HS6ST2: variants seen among roughly 807,000 people sequenced by gnomAD.
The protein encoded by HS6ST2 is heparan sulfate 6-O-sulfotransferase 2.
HS6ST2 carries 17 observed loss-of-function variants against 33.0 expected under a neutral mutation model. The ratio of observed to expected loss-of-function variants is 0.52; its 90% CI spans 0.35 to 0.77. HS6ST2 has a LOEUF of 0.77. Ranked by LOEUF, HS6ST2 falls within the 30% of genes least tolerant of loss-of-function variation. The pLI, the probability that HS6ST2 is intolerant of heterozygous loss-of-function variation, is 0.01. For synonymous variants in HS6ST2, 248 were observed against 237.1 expected (o/e 1.05, Z -0.42); for missense variants, 519 against 551.7 (o/e 0.94, Z 0.59).
At chrX:132,769,746 G>A (rs765594839) in intron 2 of HS6ST2, among the ~76,000 whole-genome samples, 10 of 112,203 alleles carry the variant, frequency 8.9e-5, no homozygotes, top group African/African-American at 3.2e-4. Context: ...TGAGGTAGGC[G>A]CAAAAGCGGA....
intron 3 of HS6ST2, among the ~76,000 whole-genome samples, chrX:132,692,805 A>G (rs1186089593): frequency 1.8e-5 from 2 of 112,020 alleles, no homozygotes; most frequent in Non-Finnish European, 3.8e-5. Flanking sequence ...GCACTGATTC[A>G]TAGGCTCTGT....
chrX:132,932,805 T>G (rs1303883721), intron 2 of HS6ST2, among the ~76,000 whole-genome samples: 1 of 106,563 alleles, frequency 9.4e-6, no homozygotes, highest in East Asian at 2.9e-4. Context: ...TAAAAGGATA[T>G]TATGTCTATA....
chrX:132,806,199 G>A (rs2065280650), intron 2 of HS6ST2, among the ~76,000 whole-genome samples: 1 of 110,202 alleles, frequency 9.1e-6, no homozygotes, highest in African/African-American at 3.3e-5. Flanking sequence ...ACTGATAGAG[G>A]AAAAGAAAAC....
At chrX:132,951,591 C>CA (rs1482874528) in intron 2 of HS6ST2, among the ~76,000 whole-genome samples, 3 of 111,719 alleles carry the variant, frequency 2.7e-5, no homozygotes, top group Non-Finnish European at 5.6e-5. Flanking sequence ...AGGGCCTGTC[C>CA]AAAATCTAAA....
At chrX:132,922,446 C>T (rs1054401530) in intron 2 of HS6ST2, among the ~76,000 whole-genome samples, 14 of 112,255 alleles carry the variant, frequency 1.2e-4, no homozygotes, top group African/African-American at 3.2e-4. Flanking sequence ...TACCAACAAG[C>T]GAGCAAATGC....
intron 2 of HS6ST2, among the ~76,000 whole-genome samples, chrX:132,722,048 C>A (rs1473584329): frequency 8.3e-5 from 9 of 108,682 alleles, no homozygotes; most frequent in African/African-American, 3.0e-4. Flanking sequence ...ATTAGCCGGG[C>A]GTGTTGGCGG....
chrX:132,874,735 C>A (rs2066094631), intron 2 of HS6ST2, among the ~76,000 whole-genome samples: 1 of 111,517 alleles, frequency 9.0e-6, no homozygotes, highest in South Asian at 3.8e-4. Flanking sequence ...TCCTTGGGAC[C>A]CCCACATGTG....
chrX:132,743,515 T>C (rs1289863391), intron 2 of HS6ST2, among the ~76,000 whole-genome samples: 4 of 112,244 alleles, frequency 3.6e-5, no homozygotes, highest in Non-Finnish European at 5.6e-5. Context: ...AACTATCATA[T>C]TGATGGCGAT....
intron 2 of HS6ST2, among the ~76,000 whole-genome samples, chrX:132,792,207 G>C (rs1487645418): frequency 8.9e-6 from 1 of 112,123 alleles, no homozygotes; most frequent in African/African-American, 3.2e-5. Context: ...TACCCAAGTG[G>C]GCACAAGGTG....
chrX:132,729,447 A>G (rs768246456), intron 2 of HS6ST2, among the ~76,000 whole-genome samples: 2 of 111,523 alleles, frequency 1.8e-5, no homozygotes, highest in Admixed American at 1.9e-4. Context: ...AGTGTGGTAT[A>G]AAGACACTGG....
intron 2 of HS6ST2, among the ~76,000 whole-genome samples, chrX:132,942,544 C>T (rs2066897867): frequency 8.9e-6 from 1 of 111,972 alleles, no homozygotes; most frequent in African/African-American, 3.2e-5. Flanking sequence ...GTTATTTCAG[C>T]AACAAAATGG....
intron 3 of HS6ST2, among the ~76,000 whole-genome samples, chrX:132,676,044 AC>A (rs2063921830): frequency 9.0e-6 from 1 of 111,380 alleles, no homozygotes; most frequent in Non-Finnish European, 1.9e-5. Context: ...TGTGGCCATC[AC>A]CTTTCCCATA....
intron 4 of HS6ST2, among the ~76,000 whole-genome samples, chrX:132,659,244 T>G (rs1444150248): frequency 8.9e-6 from 1 of 112,290 alleles, no homozygotes; most frequent in Non-Finnish European, 1.9e-5. Context: ...CCAAGCAAAA[T>G]TTATAGTTCA....
At chrX:132,826,282 T>C (rs1348697255) in intron 2 of HS6ST2, among the ~76,000 whole-genome samples, 2 of 111,500 alleles carry the variant, frequency 1.8e-5, no homozygotes, top group East Asian at 5.7e-4. Context: ...GCTCCATCTT[T>C]ATAAGAAAGA....
At chrX:132,695,058 C>T (rs181017304) in intron 3 of HS6ST2, among the ~76,000 whole-genome samples, 3 of 110,713 alleles carry the variant, frequency 2.7e-5, no homozygotes, top group African/African-American at 9.9e-5. Flanking sequence ...CGAGGTGGCG[C>T]TGGAGATATA....
At chrX:132,705,544 C>T (rs1451065231) in intron 3 of HS6ST2, among the ~76,000 whole-genome samples, 1 of 111,755 alleles carries the variant, frequency 8.9e-6, no homozygotes, top group African/African-American at 3.3e-5. Flanking sequence ...TGCCAAAAAA[C>T]GATGGTAATA....
intron 3 of HS6ST2, among the ~76,000 whole-genome samples, chrX:132,692,383 C>T (rs142114882): frequency 4.4e-4 from 49 of 111,114 alleles, no homozygotes; most frequent in African/African-American, 1.6e-3. Context: ...CATCACAGCG[C>T]CAACCCGCTC....
At chrX:132,883,535 C>G (rs1024180031) in intron 2 of HS6ST2, among the ~76,000 whole-genome samples, 1 of 111,120 alleles carries the variant, frequency 9.0e-6, no homozygotes, top group African/African-American at 3.3e-5. Context: ...TAACATATGT[C>G]AAGCATATAT....
chrX:132,957,424 C>G, intron 1 of HS6ST2, 98 bp from the exon 2 acceptor site: 1 of 915,830 alleles, frequency 1.1e-6, no homozygotes. Flanking sequence ...CTGCTGCGCC[C>G]CTCTCCCCCT....
Sources: gnomAD v4.1 joint callset for allele counts (sites outside exome capture counted in the v4.1 genomes callset) on GRCh38, gnomAD v4.1.1 for gene constraint, MANE v1.5 for transcripts, NCBI Gene and HGNC (gene_info 2026-07-23, HGNC 2026-07-21) for gene names.